The following SFMBT1 variants were observed in gnomAD, a reference collection of about 807,000 sequenced individuals.
The protein encoded by SFMBT1 is scm-like with four MBT domains protein 1.
In SFMBT1, 32 loss-of-function variants were observed where a neutral mutation model predicts 108.7. The observed-to-expected ratio is 0.29, with a 90% CI of 0.22 to 0.40. SFMBT1 has a LOEUF of 0.40. Ranked by LOEUF, SFMBT1 falls within the 10% of genes least tolerant of loss-of-function variation. The pLI is 1.00. For missense variants in SFMBT1, 816 were observed against 1,059.6 expected (o/e 0.77, Z 3.19); for synonymous variants, 348 against 369.5 (o/e 0.94, Z 0.67).
At chr3:52,942,439 T>G (rs1001011579) in intron 4 of SFMBT1, among the ~76,000 whole-genome samples, 1 of 152,220 alleles carries the variant, frequency 6.6e-6, no homozygotes, top group African/African-American at 2.4e-5. Flanking sequence ...TAATTTTCCA[T>G]ATGATTCTCA....
intron 3 of SFMBT1, among the ~76,000 whole-genome samples, chr3:52,953,018 A>G (rs1054485201): frequency 3.9e-5 from 6 of 152,246 alleles, no homozygotes; most frequent in Non-Finnish European, 8.8e-5. Flanking sequence ...TTCAGTCTCC[A>G]TAACTGTGAG....
intron 1 of SFMBT1, among the ~76,000 whole-genome samples, chr3:53,008,338 A>G (rs1347288276): frequency 1.3e-5 from 2 of 152,208 alleles, no homozygotes; most frequent in African/African-American, 4.8e-5. Flanking sequence ...AGTTTTCTCT[A>G]CTGTACTTGT....
intron 1 of SFMBT1, among the ~76,000 whole-genome samples, chr3:53,035,185 T>C (rs1015468449): frequency 4.0e-5 from 6 of 151,016 alleles, no homozygotes; most frequent in South Asian, 4.2e-4. Flanking sequence ...CCTGAGGAGT[T>C]TGGACTTTAC....
In SFMBT1 at chr3:52,907,540, T is replaced by C. The variant is rs1357829090; in HGVS notation, c.2085+15A>G. 2 of 1,609,144 alleles carry C rather than the reference T, an allele frequency of 1.2e-6. No individual in the cohort carries two copies. Among genetic ancestry groups the C allele is most frequent in the South Asian group, 2.2e-5 (2 of 90,106 alleles). ...TTGGCTTCAAGACATTACAGGCACA[T>C]CACAGATCTCATACCTGGGGAGAGC... On this transcript the variant is annotated intron_variant, in intron 18 of 20. Transcript: ENST00000394752.
chr3:52,948,655 A>G (rs543468920), intron 3 of SFMBT1, among the ~76,000 whole-genome samples: 2 of 142,104 alleles, frequency 1.4e-5, no homozygotes, highest in African/African-American at 5.1e-5. Flanking sequence ...TATTATTGTT[A>G]TTATTATTTT....
At chr3:52,915,585 A>T (rs1427398839) in intron 14 of SFMBT1, among the ~76,000 whole-genome samples, 1 of 152,222 alleles carries the variant, frequency 6.6e-6, no homozygotes, top group Non-Finnish European at 1.5e-5. Context: ...CACAGCCAGG[A>T]TGCTAAACAT....
chr3:52,964,811 C>T (rs1704077852), intron 2 of SFMBT1, among the ~76,000 whole-genome samples: 2 of 152,150 alleles, frequency 1.3e-5, no homozygotes, highest in Admixed American at 1.3e-4. Context: ...TCTGAAACAA[C>T]TCTTGCTGCT....
intron 17 of SFMBT1, among the ~76,000 whole-genome samples, chr3:52,908,385 T>A (rs1326284439): frequency 6.6e-6 from 1 of 152,108 alleles, no homozygotes; most frequent in Non-Finnish European, 1.5e-5. Context: ...ATGTGTGACT[T>A]CTTCTACTAG....
chr3:52,938,352 G>GT (rs886931672), intron 4 of SFMBT1, among the ~76,000 whole-genome samples: 17 of 151,962 alleles, frequency 1.1e-4, no homozygotes, highest in African/African-American at 4.1e-4. Context: ...TGTATATGTA[G>GT]TTTTTTTTAC....
intron 1 of SFMBT1, among the ~76,000 whole-genome samples, chr3:52,970,798 T>C (rs1409616788): frequency 6.6e-6 from 1 of 152,170 alleles, no homozygotes; most frequent in Non-Finnish European, 1.5e-5. Flanking sequence ...TATACCACTT[T>C]TGCCTGAAAA....
At chr3:53,044,166 T>A in intron 1 of SFMBT1, among the ~76,000 whole-genome samples, 1 of 143,612 alleles carries the variant, frequency 7.0e-6, no homozygotes, top group East Asian at 1.9e-4. Context: ...TACCAAGATG[T>A]TTTTTCCAAA....
At chr3:52,952,751 C>T (rs1415262208) in intron 3 of SFMBT1, among the ~76,000 whole-genome samples, 3 of 152,082 alleles carry the variant, frequency 2.0e-5, no homozygotes, top group South Asian at 2.1e-4. Flanking sequence ...CCTTTATGGC[C>T]GAATCACCTC....
chr3:52,941,477 C>T (rs924386450), intron 4 of SFMBT1, among the ~76,000 whole-genome samples: 7 of 149,834 alleles, frequency 4.7e-5, no homozygotes, highest in Non-Finnish European at 7.4e-5. Flanking sequence ...GCCTGTAATC[C>T]CAGCTACTTG....
At chr3:53,000,181 GTTTTTA>G (rs1225683328) in intron 1 of SFMBT1, among the ~76,000 whole-genome samples, 2 of 148,266 alleles carry the variant, frequency 1.3e-5, no homozygotes, top group African/African-American at 4.9e-5. Context: ...ATTTTTTTAG[GTTTTTA>G]TTTACTCACT....
At chr3:52,915,830 T>C (rs142284035) in intron 14 of SFMBT1, among the ~76,000 whole-genome samples, 66 of 152,328 alleles carry the variant, frequency 4.3e-4, no homozygotes, top group African/African-American at 1.6e-3. Context: ...CCATCTAGCT[T>C]AAGAAAGAAC....
intron 1 of SFMBT1, among the ~76,000 whole-genome samples, chr3:52,997,065 T>C (rs1303332222): frequency 6.8e-6 from 1 of 146,328 alleles, no homozygotes; most frequent in African/African-American, 2.5e-5. Flanking sequence ...CGAGACTCAG[T>C]CTCAAAAAAA....
At chr3:52,916,696 C>G (rs1405553830) in intron 13 of SFMBT1, among the ~76,000 whole-genome samples, 1 of 149,610 alleles carries the variant, frequency 6.7e-6, no homozygotes, top group African/African-American at 2.4e-5. Context: ...ACAACAACAA[C>G]AACAACAACA....
intron 1 of SFMBT1, among the ~76,000 whole-genome samples, chr3:53,040,264 C>G (rs1223937852): frequency 6.6e-6 from 1 of 152,174 alleles, no homozygotes; most frequent in African/African-American, 2.4e-5. Flanking sequence ...AAAAACTCTT[C>G]AGGGTATAAA....
chr3:53,001,041 T>C (rs575524235), intron 1 of SFMBT1, among the ~76,000 whole-genome samples: 1 of 150,288 alleles, frequency 6.7e-6, no homozygotes, highest in Admixed American at 6.7e-5. Context: ...CACTGTTTAG[T>C]CTACTTTTAT....
Sources: gnomAD v4.1 joint callset for allele counts (sites outside exome capture counted in the v4.1 genomes callset) on GRCh38, gnomAD v4.1.1 for gene constraint, MANE v1.5 for transcripts, NCBI Gene and HGNC (gene_info 2026-07-23, HGNC 2026-07-21) for gene names.